Variants in IRAG1 observed in about 807,000 individuals in gnomAD.
The protein encoded by IRAG1 is inositol 1,4,5-triphosphate receptor associated 1.
A neutral mutation model predicts 106.2 loss-of-function variants in IRAG1; 62 were observed. The observed-to-expected ratio is 0.58, with a 90% CI of 0.48 to 0.72. The LOEUF (loss-of-function observed/expected upper bound fraction) is 0.72, where lower values mean the gene tolerates loss of function less well. Ranked by LOEUF, IRAG1 falls within the 30% of genes least tolerant of loss-of-function variation. The probability of loss-of-function intolerance (pLI) is 0.00; values close to 1 mark genes in which losing one functional copy is unlikely to be tolerated. For missense variants in IRAG1, 1,064 were observed against 1,140.7 expected, an observed-to-expected ratio of 0.93 and a Z score of 0.97; for synonymous variants, 462 against 443.9, an observed-to-expected ratio of 1.04 and a Z score of -0.51.
intron 2 of IRAG1, among the ~76,000 whole-genome samples, chr11:10,635,946 G>T (rs1039421240): frequency 3.9e-5 from 6 of 152,188 alleles, no homozygotes; most frequent in African/African-American, 1.4e-4. Context: ...GAAGGAAGAG[G>T]AGGCACTCAG....
At chr11:10,652,808 C>G (rs1858628691) in intron 1 of IRAG1, among the ~76,000 whole-genome samples, 1 of 152,134 alleles carries the variant, frequency 6.6e-6, no homozygotes, top group African/African-American at 2.4e-5. Flanking sequence ...TGACACCTCC[C>G]CTCATGCTCT....
At chr11:10,598,736 T>C (rs1853607960) in intron 15 of IRAG1, among the ~76,000 whole-genome samples, 1 of 152,220 alleles carries the variant, frequency 6.6e-6, no homozygotes, top group African/African-American at 2.4e-5. Context: ...AAAAATTTAT[T>C]TCCCCTGAGC....
intron 2 of IRAG1, among the ~76,000 whole-genome samples, chr11:10,649,575 T>A (rs1428543681): frequency 6.6e-6 from 1 of 152,206 alleles, no homozygotes; most frequent in Non-Finnish European, 1.5e-5. Flanking sequence ...ACAGTTTACA[T>A]TCTTAAATCC....
At chr11:10,638,625 T>C (rs1448764640) in intron 2 of IRAG1, among the ~76,000 whole-genome samples, 1 of 152,238 alleles carries the variant, frequency 6.6e-6, no homozygotes, top group Non-Finnish European at 1.5e-5. Flanking sequence ...TTCTTTCTTG[T>C]ATGAGTCCTC....
chr11:10,584,547 A>AT (rs1851732099), intron 18 of IRAG1, among the ~76,000 whole-genome samples: 1 of 85,136 alleles, frequency 1.2e-5, no homozygotes, highest in Non-Finnish European at 2.2e-5. Context: ...TTCTTTCATG[A>AT]AATATATATA....
At chr11:10,667,459 G>C (rs1162982020) in intron 1 of IRAG1, among the ~76,000 whole-genome samples, 1 of 152,192 alleles carries the variant, frequency 6.6e-6, no homozygotes. Flanking sequence ...CAGGACAGGA[G>C]GGAGGGAGCC....
intron 10 of IRAG1, among the ~76,000 whole-genome samples, chr11:10,620,987 A>C (rs1313636569): frequency 6.6e-6 from 1 of 152,232 alleles, no homozygotes; most frequent in Non-Finnish European, 1.5e-5. Context: ...AGTAAAAAAA[A>C]GAAGCTGTAT....
chr11:10,688,780 C>T (rs1335507553), intron 1 of IRAG1, among the ~76,000 whole-genome samples: 1 of 152,182 alleles, frequency 6.6e-6, no homozygotes, highest in Non-Finnish European at 1.5e-5. Flanking sequence ...TTTTCCCATG[C>T]CTGTGTTTTA....
chr11:10,693,276 G>C (rs1464197221), intron 1 of IRAG1, among the ~76,000 whole-genome samples: 1 of 152,180 alleles, frequency 6.6e-6, no homozygotes, highest in Non-Finnish European at 1.5e-5. Context: ...TTTTCACCCT[G>C]AGCTGTGCAC....
At chr11:10,654,467 A>T (rs12789229) in intron 1 of IRAG1, among the ~76,000 whole-genome samples, 8,049 of 152,266 alleles carry the variant, frequency 0.053, 292 homozygotes, top group Admixed American at 0.11. Context: ...AGTTAGGGTG[A>T]CCCCTACTGG....
chr11:10,610,429 GT>G (rs1854850428), intron 10 of IRAG1, among the ~76,000 whole-genome samples: 1 of 152,182 alleles, frequency 6.6e-6, no homozygotes, highest in Admixed American at 6.5e-5. Flanking sequence ...ACAGCTTTTT[GT>G]TTTTTAAACT....
chr11:10,642,330 T>C (rs1410672562), intron 2 of IRAG1, among the ~76,000 whole-genome samples: 1 of 152,246 alleles, frequency 6.6e-6, no homozygotes, highest in African/African-American at 2.4e-5. Context: ...CACAATAGTT[T>C]TCCTAACCGC....
intron 11 of IRAG1, among the ~76,000 whole-genome samples, chr11:10,609,009 G>C (rs1334985987): frequency 1.3e-5 from 2 of 152,134 alleles, no homozygotes; most frequent in Non-Finnish European, 2.9e-5. Context: ...GTGTGAGGTA[G>C]GGGTCCAACT....
At chr11:10,598,755 A>G (rs1201239815) in intron 15 of IRAG1, among the ~76,000 whole-genome samples, 2 of 151,708 alleles carry the variant, frequency 1.3e-5, no homozygotes, top group African/African-American at 4.9e-5. Context: ...GCTAGTATTC[A>G]TACTTCTAGA....
Position 10,581,781 on chromosome 11 carries a change from A to C in IRAG1, c.2360+86T>G, listed in dbSNP as rs1306460070. ...CCTGCGGCCACTGGTTACTTCCCTAAAGCCTCTAAGAAACAAGAAAGACCC... is the reference window on the plus strand; with the variant it reads ...CCTGCGGCCACTGGTTACTTCCCTACAGCCTCTAAGAAACAAGAAAGACCC... On this transcript the variant is annotated intron_variant, in intron 19 of 20. Transcript: ENST00000423302. 6 of 1,519,574 alleles carry C rather than the reference A, an allele frequency of 3.9e-6. No individual in the cohort carries two copies. In the African/African-American group the frequency reaches 5.6e-5, roughly 14 times the overall value. The allele number at this position is 1,519,574 out of a possible 1,614,324, so 94.1% of individuals were successfully genotyped here. A position where few individuals can be genotyped will look rare whatever the true frequency, so the allele number is the denominator to read the frequency against.
chr11:10,664,387 G>A (rs968548172), intron 1 of IRAG1, among the ~76,000 whole-genome samples: 3 of 152,222 alleles, frequency 2.0e-5, no homozygotes, highest in Admixed American at 6.5e-5. Flanking sequence ...AAAGTCTGGT[G>A]TAAAGCATGC....
At chr11:10,679,947 T>C (rs1366031798) in intron 1 of IRAG1, among the ~76,000 whole-genome samples, 1 of 152,098 alleles carries the variant, frequency 6.6e-6, no homozygotes, top group African/African-American at 2.4e-5. Context: ...ATGAAACGTT[T>C]TTCCAAGGAG....
intron 2 of IRAG1, among the ~76,000 whole-genome samples, chr11:10,642,564 G>A (rs1332924058): frequency 6.6e-6 from 1 of 152,222 alleles, no homozygotes. Flanking sequence ...ATGTGGGCTA[G>A]TGAAGAAGTC....
intron 1 of IRAG1, chr11:10,658,668 TC>T: frequency 1.0e-5 from 2 of 194,524 alleles, no homozygotes; most frequent in Non-Finnish European, 2.1e-5. Context: ...CTGTGCTCAG[TC>T]CCAGGTCCGT....
Sources: allele counts gnomAD v4.1 joint callset (sites outside exome capture counted in the v4.1 genomes callset), GRCh38; gene constraint gnomAD v4.1.1; transcripts MANE v1.5; gene names NCBI Gene and HGNC (gene_info 2026-07-23, HGNC 2026-07-21).